Variants in NRCAM observed in about 807,000 individuals in gnomAD.
The protein encoded by NRCAM is NgCAM-related cell adhesion molecule.
In NRCAM, 83 loss-of-function variants were observed where a neutral mutation model predicts 156.5. The ratio of observed to expected loss-of-function variants is 0.53; its 90% CI spans 0.44 to 0.64. NRCAM has a LOEUF of 0.64. NRCAM is among the 30% of genes least tolerant of loss of function. The pLI is 0.00. For synonymous variants in NRCAM, 538 were observed against 563.9 expected, an observed-to-expected ratio of 0.95 and a Z score of 0.65; for missense variants, 1,417 against 1,597.3, an observed-to-expected ratio of 0.89 and a Z score of 1.92.
Position 108,149,136 on chromosome 7 carries a change from T to G in NRCAM, c.*774A>C, listed in dbSNP as rs1213707222. On this transcript the variant is annotated 3_prime_UTR_variant, in exon 33 of 33. Transcript: ENST00000379028. Reference sequence around the variant, plus strand: ...TGTTTGAAATTTAATTTGGATGATTTGTTTTTGATTCTTTCAGTATGGCAC... The same window carrying G: ...TGTTTGAAATTTAATTTGGATGATTGGTTTTTGATTCTTTCAGTATGGCAC... 1 of 152,668 alleles carries G rather than the reference T, an allele frequency of 6.6e-6. No homozygotes were observed. The highest frequency in any genetic ancestry group is 2.4e-5 in the African/African-American group (1 of 41,468). The allele number at this position is 152,668 out of a possible 1,614,324, so 9.5% of individuals were successfully genotyped here. A position where few individuals can be genotyped will look rare whatever the true frequency, so the allele number is the denominator to read the frequency against.
At chr7:108,179,885 A>C (rs1202095438) in intron 25 of NRCAM, among the ~76,000 whole-genome samples, 1 of 152,238 alleles carries the variant, frequency 6.6e-6, no homozygotes, top group East Asian at 1.9e-4. Flanking sequence ...GGCTACTGAC[A>C]TTCAGAGAAG....
intron 2 of NRCAM, among the ~76,000 whole-genome samples, chr7:108,374,157 A>G (rs979353928): frequency 6.6e-6 from 1 of 152,202 alleles, no homozygotes; most frequent in Non-Finnish European, 1.5e-5. Context: ...TGAAAAGTAC[A>G]TGAGAGTAAG....
chr7:108,262,858 C>T (rs114513124), intron 3 of NRCAM, among the ~76,000 whole-genome samples: 2,484 of 152,288 alleles, frequency 0.016, 60 homozygotes, highest in African/African-American at 0.052. Context: ...ACTTTCACCA[C>T]GAAGCCTTTT....
intron 5 of NRCAM, among the ~76,000 whole-genome samples, chr7:108,235,996 A>C (rs2094942859): frequency 6.6e-6 from 1 of 152,038 alleles, no homozygotes; most frequent in South Asian, 2.1e-4. Context: ...TTCCTGCTGC[A>C]TTTGACATTC....
chr7:108,336,450 T>C (rs1055952093), intron 2 of NRCAM, among the ~76,000 whole-genome samples: 1 of 152,254 alleles, frequency 6.6e-6, no homozygotes, highest in Non-Finnish European at 1.5e-5. Context: ...CTAAAACGAC[T>C]TGCCTTTCAA....
At chr7:108,260,911 A>G (rs1266022682) in intron 3 of NRCAM, among the ~76,000 whole-genome samples, 1 of 152,156 alleles carries the variant, frequency 6.6e-6, no homozygotes, top group Non-Finnish European at 1.5e-5. Flanking sequence ...CTCATATTCA[A>G]TTCCTGGCAA....
chr7:108,341,087 A>G (rs1185728472), intron 2 of NRCAM, among the ~76,000 whole-genome samples: 1 of 152,216 alleles, frequency 6.6e-6, no homozygotes, highest in Admixed American at 6.5e-5. Flanking sequence ...CTACAAGGAC[A>G]CTTTAAAAAG....
intron 2 of NRCAM, among the ~76,000 whole-genome samples, chr7:108,384,887 T>C (rs2099734956): frequency 6.6e-6 from 1 of 152,222 alleles, no homozygotes; most frequent in Admixed American, 6.5e-5. Flanking sequence ...TGACAGATAC[T>C]AGCTTGCCCT....
chr7:108,274,555 T>C (rs1440082195), intron 3 of NRCAM, among the ~76,000 whole-genome samples: 7 of 152,220 alleles, frequency 4.6e-5, no homozygotes, highest in Non-Finnish European at 7.3e-5. Context: ...GTTATTGGTG[T>C]ATAGGAATGC....
intron 2 of NRCAM, among the ~76,000 whole-genome samples, chr7:108,395,529 G>A (rs1387752822): frequency 6.6e-6 from 1 of 152,176 alleles, no homozygotes; most frequent in South Asian, 2.1e-4. Context: ...ACATTTTACT[G>A]TTAAATATGA....
At chr7:108,358,064 G>A (rs1267580786) in intron 2 of NRCAM, among the ~76,000 whole-genome samples, 1 of 152,030 alleles carries the variant, frequency 6.6e-6, no homozygotes, top group Non-Finnish European at 1.5e-5. Context: ...AACCACAAAT[G>A]TTCCCTTTCC....
chr7:108,198,133 CT>C, intron 13 of NRCAM, 34 bp from the exon 14 acceptor site: 1 of 1,559,176 alleles, frequency 6.4e-7, no homozygotes. Flanking sequence ...GTATTTATTC[CT>C]ATTTGCTTAA....
intron 1 of NRCAM, among the ~76,000 whole-genome samples, chr7:108,423,459 T>G (rs1812923354): frequency 6.6e-6 from 1 of 152,026 alleles, no homozygotes; most frequent in Non-Finnish European, 1.5e-5. Flanking sequence ...GAGAAAATCA[T>G]GAGTGAATGA....
chr7:108,322,903 A>G (rs1391436118), intron 2 of NRCAM, among the ~76,000 whole-genome samples: 2 of 152,224 alleles, frequency 1.3e-5, no homozygotes, highest in Non-Finnish European at 2.9e-5. Context: ...CAATCAAATT[A>G]TGAATTAAAT....
chr7:108,270,971 T>C (rs1329902397), intron 3 of NRCAM, among the ~76,000 whole-genome samples: 6 of 152,222 alleles, frequency 3.9e-5, no homozygotes, highest in South Asian at 2.1e-4. Context: ...ACAAGGTGAA[T>C]ACACTTAATG....
At chr7:108,196,594 A>G (rs1222365175) in intron 14 of NRCAM, among the ~76,000 whole-genome samples, 3 of 152,218 alleles carry the variant, frequency 2.0e-5, no homozygotes, top group Admixed American at 1.3e-4. Flanking sequence ...CCCAATTATC[A>G]CCAATCGCCA....
chr7:108,403,404 C>A (rs934342134), intron 1 of NRCAM, among the ~76,000 whole-genome samples: 6 of 151,998 alleles, frequency 3.9e-5, no homozygotes, highest in African/African-American at 1.2e-4. Flanking sequence ...TAAAAGCCAG[C>A]AACAATACCA....
At chr7:108,361,125 C>T (rs1165918420) in intron 2 of NRCAM, among the ~76,000 whole-genome samples, 1 of 152,032 alleles carries the variant, frequency 6.6e-6, no homozygotes, top group Non-Finnish European at 1.5e-5. Context: ...GGAAAATAAG[C>T]ATATGAAAAG....
chr7:108,244,148 C>A (rs754104983), intron 3 of NRCAM, among the ~76,000 whole-genome samples: 2 of 152,030 alleles, frequency 1.3e-5, no homozygotes, highest in Non-Finnish European at 2.9e-5. Context: ...AGCTCTCTAC[C>A]AGAATTTGAA....
Sources: allele counts gnomAD v4.1 joint callset (sites outside exome capture counted in the v4.1 genomes callset), GRCh38; gene constraint gnomAD v4.1.1; transcripts MANE v1.5; gene names NCBI Gene and HGNC (gene_info 2026-07-23, HGNC 2026-07-21).